INTS7: variants seen among roughly 807,000 people sequenced by gnomAD.
INTS7 encodes the protein chromosome 1 open reading frame 73.
In INTS7, 46 loss-of-function variants were observed where a neutral mutation model predicts 109.2. That is an observed-to-expected ratio of 0.42 (90% CI 0.33 to 0.54). The LOEUF (loss-of-function observed/expected upper bound fraction) is 0.54, where lower values mean the gene tolerates loss of function less well. Ranked by LOEUF, INTS7 falls within the 20% of genes least tolerant of loss-of-function variation. The probability of loss-of-function intolerance (pLI) is 0.07; values close to 1 mark genes in which losing one functional copy is unlikely to be tolerated. For missense variants in INTS7, 929 were observed against 1,132.4 expected (o/e 0.82, Z 2.58); for synonymous variants, 412 against 402.9 (o/e 1.02, Z -0.27).
intron 16 of INTS7, among the ~76,000 whole-genome samples, chr1:211,961,072 A>G (rs1663604001): frequency 6.6e-6 from 1 of 152,012 alleles, no homozygotes; most frequent in Non-Finnish European, 1.5e-5. Context: ...AACCTCCGAG[A>G]AATATGGGAT....
intron 16 of INTS7, among the ~76,000 whole-genome samples, chr1:211,958,951 A>G (rs920846412): frequency 3.3e-5 from 5 of 152,210 alleles, no homozygotes; most frequent in African/African-American, 1.2e-4. Flanking sequence ...GGGAAGACAC[A>G]GAAGCTGGGC....
intron 17 of INTS7, among the ~76,000 whole-genome samples, chr1:211,951,229 G>A (rs1663068402): frequency 6.6e-6 from 1 of 152,206 alleles, no homozygotes; most frequent in Non-Finnish European, 1.5e-5. Flanking sequence ...AAATTCGTAT[G>A]TGGAAGCTGC....
chr1:211,972,082 TAGGAGACAG>T (rs999046473), intron 13 of INTS7, among the ~76,000 whole-genome samples: 1 of 152,092 alleles, frequency 6.6e-6, no homozygotes, highest in African/African-American at 2.4e-5. Flanking sequence ...TTTTTCTCTT[TAGGAGACAG>T]TGTCTTGCTA....
chr1:212,014,667 T>C (rs1666326801), intron 4 of INTS7, among the ~76,000 whole-genome samples: 1 of 148,112 alleles, frequency 6.8e-6, no homozygotes, highest in African/African-American at 2.5e-5. Context: ...TGCCTCAGCC[T>C]GCCAAGTGCC....
chr1:212,007,537 T>C (rs187401386), intron 5 of INTS7, 88 bp from the exon 6 acceptor site: 56 of 972,276 alleles, frequency 5.8e-5, no homozygotes, highest in African/African-American at 2.8e-4. Flanking sequence ...TTTAGCAAAA[T>C]TGCACTTGAA....
rs375826185 is a variant in INTS7, at chr1:211,983,099, T to C, written c.998-289A>G. On this transcript the variant is annotated intron_variant, in intron 8 of 19. Transcript: ENST00000366994. Reference sequence around the variant, plus strand: ...AACAGTACAAAAGCCAAAACAACTATCCTAAGAGTTCAAATGAATTCTGAT... The same window carrying C: ...AACAGTACAAAAGCCAAAACAACTACCCTAAGAGTTCAAATGAATTCTGAT... 3.5e-4 allele frequency among the ~76,000 whole-genome samples: 53 copies of C among 152,244 alleles called. 1 individual carries two copies. The highest frequency in any genetic ancestry group is 1.1e-3 in the African/African-American group (45 of 41,552).
intron 17 of INTS7, among the ~76,000 whole-genome samples, chr1:211,949,650 CCT>C (rs1663000445): frequency 6.6e-6 from 1 of 152,178 alleles, no homozygotes; most frequent in Non-Finnish European, 1.5e-5. Context: ...CCAGCCATTT[CCT>C]GTTTTGCTTC....
In INTS7 at chr1:212,006,751, A is replaced by G; in HGVS notation, c.767T>C (p.Leu256Pro). The G allele has an allele frequency of 6.2e-7, 1 of 1,603,184 alleles. No homozygotes were observed. ...LVDTPKQIQL[L>P]LQYLKNDPRK... Reference sequence around the variant, plus strand: ...GGGATCATTCTTCAAATACTGCAACAGAAGCTGAATCTATAAAGGAAATAA... The same window carrying G: ...GGGATCATTCTTCAAATACTGCAACGGAAGCTGAATCTATAAAGGAAATAA... The change falls in exon 7 of 20, where the codon CTG (leucine) becomes CCG (proline). Residue 256 changes from leucine to proline, a missense_variant. Around this residue, in one of 2 missense-constraint regions of INTS7, gnomAD observed 787 missense variants for 901.1 expected, o/e 0.87. Transcript: ENST00000366994.
At chr1:211,991,269 A>C (rs1335720572) in intron 7 of INTS7, among the ~76,000 whole-genome samples, 7 of 152,240 alleles carry the variant, frequency 4.6e-5, no homozygotes, top group African/African-American at 1.7e-4. Flanking sequence ...TCTAAGATAC[A>C]GCAAATTTTT....
chr1:211,941,908 A>G lies in INTS7; in HGVS notation c.2805T>C (p.Tyr935=), dbSNP rs1259181606. The G allele has an allele frequency of 1.9e-6, 3 of 1,614,076 alleles. No homozygotes were observed. Among genetic ancestry groups the G allele is most frequent in the African/African-American group, 2.7e-5 (2 of 74,916 alleles). The part of the protein sequence containing the change: ...TIFVKSLEDP[Y]SQQIRLQQQQ... ...GCTGTTGTAAGCGAATTTGCTGGGA[A>G]TAAGGGTCTTCCAGGGATTTTACAA... Residue 935 remains tyrosine (Y), a synonymous_variant, in exon 20 of 20, where the codon TAT becomes TAC. Transcript: ENST00000366994.
chr1:212,012,425 T>C (rs1666202481), intron 4 of INTS7, among the ~76,000 whole-genome samples: 1 of 152,226 alleles, frequency 6.6e-6, no homozygotes, highest in African/African-American at 2.4e-5. Flanking sequence ...CAGGTCATTA[T>C]TTCCGGGAGA....
chr1:211,944,126 T>C (rs1662744857), intron 19 of INTS7, among the ~76,000 whole-genome samples: 1 of 152,160 alleles, frequency 6.6e-6, no homozygotes, highest in Admixed American at 6.5e-5. Flanking sequence ...AGAAATGCTA[T>C]ATACTTTTTT....
intron 17 of INTS7, among the ~76,000 whole-genome samples, chr1:211,947,332 A>T (rs1289796257): frequency 6.6e-6 from 1 of 152,222 alleles, no homozygotes; most frequent in East Asian, 1.9e-4. Flanking sequence ...AACACCACAG[A>T]GAATATTTTG....
In INTS7 at chr1:211,941,393, T is replaced by A. The variant is rs149287659; in HGVS notation, c.*431A>T. On this transcript the variant is annotated 3_prime_UTR_variant, in exon 20 of 20. Transcript: ENST00000366994. ...ATTTATTTATTTTTTTGAGACGGAG[T>A]CTCGCTCTGTCGCCCAGGCTGGAGC... The A allele has an allele frequency of 0.011, 1,667 of 155,040 alleles. 29 individuals carry two copies. Among genetic ancestry groups the A allele is most frequent in the African/African-American group, 0.037 (1,555 of 41,640 alleles). 9.6% of individuals were successfully genotyped at this position (155,040 alleles called of 1,614,324 possible).
rs1666631405 is a variant in INTS7 at position 212,020,253 on chromosome 1, C to A, written c.240G>T (p.Arg80Ser). Residue 80 changes from arginine (R) to serine (S), a missense_variant, in exon 3 of 20, where the codon AGG (arginine) becomes AGT (serine). Transcript: ENST00000366994. Reference sequence around the variant, plus strand: ...GTTGGGTAACTTTAAGAACACATAGCCTCAGGAAATTATTTCTAGAAAAAC... The same window carrying A: ...GTTGGGTAACTTTAAGAACACATAGACTCAGGAAATTATTTCTAGAAAAAC... ...DVFRVGNNFL[R>S]LCVLKVTQQS... 1.9e-6 allele frequency: 3 copies of A among 1,576,674 alleles called. No homozygotes were observed. The highest frequency in any genetic ancestry group is 1.4e-5 in the African/African-American group (1 of 73,192).
chr1:212,023,819 C>G (rs1247227738), intron 1 of INTS7, among the ~76,000 whole-genome samples: 1 of 152,040 alleles, frequency 6.6e-6, no homozygotes, highest in East Asian at 1.9e-4. Context: ...TTTCCCAATG[C>G]TGATTTTCTT....
chr1:212,020,309 A>C (rs1386435559), intron 2 of INTS7, 41 bp from the exon 3 acceptor site: 3 of 1,243,224 alleles, frequency 2.4e-6, no homozygotes, highest in Non-Finnish European at 3.4e-6. Context: ...TTAGAAAGTA[A>C]TATTTAATTA....
chr1:211,978,297 G>T lies in INTS7; in HGVS notation c.1445C>A (p.Ala482Asp). 2 of 1,614,142 alleles carry T rather than the reference G, an allele frequency of 1.2e-6. No individual in the cohort carries two copies. Among genetic ancestry groups the T allele is most frequent in the South Asian group, 2.2e-5 (2 of 91,084 alleles). Residue 482 changes from alanine to aspartate, a missense_variant, in exon 11 of 20, where the codon GCC becomes GAC. By Grantham distance (126) the Ala-to-Asp change is moderately radical. Around this residue, in one of 2 missense-constraint regions of INTS7, gnomAD observed 787 missense variants for 901.1 expected, o/e 0.87. Coordinates refer to ENST00000366994, the MANE Select transcript of INTS7 (RefSeq NM_015434.4). ...MELYKVIGRS[A>D]TDKQQELLVS... ...CAGAAGTTCTTGTTGCTTGTCTGTGGCTGATCGTCCAATCACCTTGTACAG... is the reference window on the plus strand; with the variant it reads ...CAGAAGTTCTTGTTGCTTGTCTGTGTCTGATCGTCCAATCACCTTGTACAG...
chr1:211,970,266 G>A (rs1018458174), intron 13 of INTS7, among the ~76,000 whole-genome samples: 3 of 152,198 alleles, frequency 2.0e-5, no homozygotes, highest in Non-Finnish European at 2.9e-5. Flanking sequence ...GCAAGCCAGG[G>A]TGGGCAGAGA....
Sources: gnomAD v4.1 joint callset for allele counts (sites outside exome capture counted in the v4.1 genomes callset) on GRCh38, gnomAD v4.1.1 for gene constraint, gnomAD v4.1.1 regional missense constraint, MANE v1.5 for transcripts, NCBI Gene and HGNC (gene_info 2026-07-23, HGNC 2026-07-21) for gene names.